DHRSX: variants seen among roughly 807,000 people sequenced by gnomAD.
DHRSX encodes the protein polyprenol dehydrogenase.
Under a neutral mutation model 34.0 loss-of-function variants are expected in DHRSX, and 31 were observed. The observed-to-expected ratio is 0.91, with a 90% confidence interval of 0.69 to 1.23. The LOEUF (loss-of-function observed/expected upper bound fraction) is 1.23. Among genes scored for constraint, DHRSX ranks in the 50% most tolerant of loss-of-function variants. The probability of loss-of-function intolerance (pLI) is 0.00; values close to 1 mark genes in which losing one functional copy is unlikely to be tolerated. For synonymous variants in DHRSX, 201 were observed against 183.8 expected, an observed-to-expected ratio of 1.09 and a Z score of -0.76; for missense variants, 414 against 428.1, an observed-to-expected ratio of 0.97 and a Z score of 0.29.
intron 1 of DHRSX, among the ~76,000 whole-genome samples, chrX:2,457,893 G>A (rs1193645583): frequency 6.6e-6 from 1 of 151,266 alleles, no homozygotes; most frequent in Non-Finnish European, 1.5e-5. Flanking sequence ...CCAAGAGACG[G>A]CAGGGAATAT....
At chrX:2,400,654 C>T (rs1347021619) in intron 3 of DHRSX, among the ~76,000 whole-genome samples, 1 of 152,158 alleles carries the variant, frequency 6.6e-6, no homozygotes, top group Non-Finnish European at 1.5e-5. Flanking sequence ...CAGGGACAGG[C>T]GATGAGGAGG....
chrX:2,494,034 G>A (rs1054674669), intron 1 of DHRSX, among the ~76,000 whole-genome samples: 3 of 152,038 alleles, frequency 2.0e-5, no homozygotes, highest in African/African-American at 7.2e-5. Context: ...TTTTAGGCTG[G>A]AAGAGGTCCC....
At chrX:2,408,712 AC>A in intron 3 of DHRSX, 32 bp downstream of exon 3, 1 of 1,578,300 alleles carries the variant, frequency 6.3e-7, no homozygotes, top group Non-Finnish European at 8.6e-7. Context: ...AAAAAAAAAA[AC>A]AAAAAAAAGC....
intron 3 of DHRSX, among the ~76,000 whole-genome samples, chrX:2,396,379 T>C (rs1416886026): frequency 3.6e-5 from 5 of 139,196 alleles, no homozygotes; most frequent in African/African-American, 7.9e-5. Context: ...CTTTTTCTTT[T>C]TTTTTTTTTT....
At chrX:2,324,944 TTG>T (rs1412549311) in intron 3 of DHRSX, among the ~76,000 whole-genome samples, 4,751 of 72,108 alleles carry the variant, frequency 0.066, 218 homozygotes, top group African/African-American at 0.22. Flanking sequence ...AATTTTTGTT[TTG>T]TTTTTTTTTT....
At position 2,432,052 on chromosome X, in the gene DHRSX, G is replaced by A. The variant is rs767973868; in HGVS notation, c.110-6748C>T. On this transcript the variant is annotated intron_variant, in intron 1 of 6. Coordinates refer to ENST00000334651, the MANE Select transcript of DHRSX (RefSeq NM_145177.3). ...CTAAAAATACAAAATTTAGCTGGGC[G>A]TGGTGGTGTGTGCCACCTGTAATCC... is the stretch of plus-strand genomic sequence containing the variant. Among the ~76,000 whole-genome samples, 9 of 152,208 alleles carry A rather than the reference G, an allele frequency of 5.9e-5. No homozygotes were observed. In the South Asian group the frequency reaches 1.0e-3, roughly 18 times the overall value.
At chrX:2,329,907 C>T (rs904407013) in intron 3 of DHRSX, among the ~76,000 whole-genome samples, 3 of 151,936 alleles carry the variant, frequency 2.0e-5, no homozygotes, top group African/African-American at 4.8e-5. Flanking sequence ...AGAGAAAACA[C>T]TCTTGCTTAG....
chrX:2,448,163 T>C (rs552974072), intron 1 of DHRSX, among the ~76,000 whole-genome samples: 39,611 of 144,976 alleles, frequency 0.27, 5,865 homozygotes, highest in South Asian at 0.4. Context: ...CATAGCAAGA[T>C]CCCATCTACA....
chrX:2,305,035 C>T (rs1172021634), intron 3 of DHRSX, among the ~76,000 whole-genome samples: 5 of 151,924 alleles, frequency 3.3e-5, no homozygotes, highest in South Asian at 2.1e-4. Flanking sequence ...TAAAAAGGAA[C>T]GAGATCATGT....
chrX:2,446,209 T>G (rs2044131953), intron 1 of DHRSX, among the ~76,000 whole-genome samples: 1 of 151,926 alleles, frequency 6.6e-6, no homozygotes, highest in African/African-American at 2.4e-5. Flanking sequence ...TGCCGCCATG[T>G]ACACACTAAA....
chrX:2,413,069 C>T (rs1428204570), intron 2 of DHRSX, among the ~76,000 whole-genome samples: 1 of 152,106 alleles, frequency 6.6e-6, no homozygotes, highest in Non-Finnish European at 1.5e-5. Flanking sequence ...GTGGCATGCA[C>T]CTGTAGTCCC....
chrX:2,358,272 A>C (rs2042882724), intron 3 of DHRSX, among the ~76,000 whole-genome samples: 1 of 152,228 alleles, frequency 6.6e-6, no homozygotes, highest in Non-Finnish European at 1.5e-5. Flanking sequence ...AAGGTTTAAT[A>C]TCCAGAATTT....
intron 3 of DHRSX, among the ~76,000 whole-genome samples, chrX:2,358,590 G>T (rs1263861975): frequency 6.6e-6 from 1 of 151,952 alleles, no homozygotes; most frequent in Non-Finnish European, 1.5e-5. Context: ...TTGATATGTG[G>T]GAGGCATATT....
intron 3 of DHRSX, among the ~76,000 whole-genome samples, chrX:2,292,319 A>G (rs1171292463): frequency 2.6e-5 from 4 of 152,190 alleles, no homozygotes; most frequent in Non-Finnish European, 5.9e-5. Context: ...GATTCTGCGT[A>G]TAACCATGTG....
intron 1 of DHRSX, among the ~76,000 whole-genome samples, chrX:2,468,609 G>A (rs748194663): frequency 5.9e-5 from 9 of 151,430 alleles, no homozygotes; most frequent in African/African-American, 1.9e-4. Context: ...CTAAGTATGC[G>A]GCCAAGGGAC....
At chrX:2,246,266 G>T (rs141368067) in intron 5 of DHRSX, among the ~76,000 whole-genome samples, 1 of 152,050 alleles carries the variant, frequency 6.6e-6, no homozygotes, top group African/African-American at 2.4e-5. Context: ...CATCATATGC[G>T]TTTCAGAAAA....
intron 4 of DHRSX, among the ~76,000 whole-genome samples, chrX:2,269,275 C>A (rs1416251211): frequency 6.6e-6 from 1 of 152,132 alleles, no homozygotes; most frequent in Non-Finnish European, 1.5e-5. Context: ...TATCTACACA[C>A]AAATATATAG....
At chrX:2,488,850 A>T in intron 1 of DHRSX, 1 of 1,613,696 alleles carries the variant, frequency 6.2e-7, no homozygotes, top group Non-Finnish European at 8.5e-7. Context: ...TTGGCGGCGG[A>T]TCCGAAGAGA....
intron 4 of DHRSX, among the ~76,000 whole-genome samples, chrX:2,270,088 T>C (rs1173971415): frequency 6.6e-6 from 1 of 152,086 alleles, no homozygotes; most frequent in Non-Finnish European, 1.5e-5. Flanking sequence ...GGTACATGCA[T>C]TTGTATATGT....
Sources: allele counts gnomAD v4.1 joint callset (sites outside exome capture counted in the v4.1 genomes callset), GRCh38; gene constraint gnomAD v4.1.1; transcripts MANE v1.5; gene names NCBI Gene and HGNC (gene_info 2026-07-23, HGNC 2026-07-21).